The following SLC4A11 variants were observed in gnomAD, a reference collection of about 807,000 sequenced individuals.
SLC4A11 encodes the protein bicarbonate transporter related protein 1.
In SLC4A11, 74 loss-of-function variants were observed where a neutral mutation model predicts 95.0. The observed-to-expected ratio is 0.78, with a 90% CI of 0.65 to 0.95. The LOEUF is 0.95. Among genes scored for constraint, SLC4A11 ranks in the 40% least tolerant of loss-of-function variants. The pLI is 0.00. For missense variants in SLC4A11, 1,081 were observed against 1,192.4 expected (o/e 0.91, Z 1.38); for synonymous variants, 548 against 519.0 (o/e 1.06, Z -0.76).
At position 3,229,372 on chromosome 20, in the gene SLC4A11, C is replaced by G. The variant is rs369945352; in HGVS notation, c.1823G>C (p.Ser608Thr). ...CTCGATTTCCCGGAAGCCATGGGAG[C>G]TGATGAGGGAGAAGGCGAGCACCGC... ...PIAVLAFSLI[S>T]SHGFREIEMS... is the part of the protein sequence containing the mutation. Residue 608 changes from serine (S) to threonine (T), a missense_variant, in exon 15 of 20, where the codon AGC becomes ACC. Coordinates refer to ENST00000642402, the MANE Select transcript of SLC4A11 (RefSeq NM_001174089.2). 1.2e-6 allele frequency: 2 copies of G among 1,613,212 alleles called. No individual in the cohort carries two copies. Among genetic ancestry groups the G allele is most frequent in the African/African-American group, 2.7e-5 (2 of 74,936 alleles).
rs1285638785 is a variant in SLC4A11, at chr20:3,229,183, C to T, written c.1930G>A (p.Gly644Ser). 8.1e-6 allele frequency: 13 copies of T among 1,612,310 alleles called. No homozygotes were observed. Among genetic ancestry groups the T allele is most frequent in the South Asian group, 3.3e-5 (3 of 91,056 alleles). ...IQSLSLRAVS[G>S]AMGLGFLLSM... ...AGCAGGAAGCCGAGGCCCATGGCAC[C>T]GCTGACGGCCCTCAGGGACAGCGAC... The change falls in exon 16 of 20, where the codon GGT (glycine) becomes AGT (serine). Residue 644 changes from glycine to serine, a missense_variant. By Grantham distance (56) the Gly-to-Ser change is moderately conservative. Around this residue, in one of 3 missense-constraint regions of SLC4A11, gnomAD observed 767 missense variants for 858.0 expected, o/e 0.89. Transcript: ENST00000642402.
rs1363507861 is a variant in SLC4A11, at chr20:3,239,146, C to A, written c.-9G>T. The A allele has an allele frequency of 6.8e-7, 1 of 1,466,204 alleles. No individual in the cohort carries two copies. The highest frequency in any genetic ancestry group is 2.4e-5 in the Admixed American group (1 of 42,446). 90.8% of individuals were successfully genotyped at this position (1,466,204 alleles called of 1,614,324 possible). A position where few individuals can be genotyped will look rare whatever the true frequency, so the allele number is the denominator to read the frequency against. On this transcript the variant is annotated 5_prime_UTR_variant, in exon 1 of 20. Transcript: ENST00000642402. ...CTGGTGGCCGCGGCCATGGCACACTCGCGCACTCACGGCCGGGCTCCTCAC... is the reference window on the plus strand; with the variant it reads ...CTGGTGGCCGCGGCCATGGCACACTAGCGCACTCACGGCCGGGCTCCTCAC...
chr20:3,230,125 G>A (rs1349065857), intron 13 of SLC4A11, 62 bp downstream of exon 13: 18 of 1,576,318 alleles, frequency 1.1e-5, no homozygotes, highest in African/African-American at 5.4e-5. Flanking sequence ...GCCAGGGGCA[G>A]TGCAGAACCT....
chr20:3,230,707 T>C (rs1600575972), intron 11 of SLC4A11, 25 bp downstream of exon 11: 1 of 1,612,736 alleles, frequency 6.2e-7, no homozygotes, highest in Non-Finnish European at 8.5e-7. Flanking sequence ...TCAGGCACCA[T>C]CTCCCGCCTC....
chr20:3,238,077 T>TCCCCCGA (rs1356187011), intron 1 of SLC4A11: 11 of 1,467,026 alleles, frequency 7.5e-6, no homozygotes, highest in Middle Eastern at 2.4e-4. Context: ...CAGGCGCAGT[T>TCCCCCGA]CCCCCGACCC....
chr20:3,230,658 G>A lies in SLC4A11; in HGVS notation c.1283-11C>T, dbSNP rs41281862. ...AGATGACACGAATCACTGCAGGCAG[G>A]GGGCAGGGCGGGTCAGGGCCCGGCA... On this transcript the variant is annotated splice_polypyrimidine_tract_variant and intron_variant, in intron 11 of 19. Transcript: ENST00000642402. The A allele has an allele frequency of 0.12, 187,472 of 1,613,268 alleles. 12,283 individuals carry two copies. Among genetic ancestry groups the A allele is most frequent in the Non-Finnish European group, 0.13 (157,165 of 1,179,980 alleles).
At chr20:3,237,806 C>A in intron 1 of SLC4A11, 2 of 1,587,822 alleles carry the variant, frequency 1.3e-6, no homozygotes, top group Non-Finnish European at 1.7e-6. Flanking sequence ...AATTGCTTAG[C>A]CCATCTGCTA....
In SLC4A11 at chr20:3,234,035, C is replaced by A; in HGVS notation, c.524-33G>T. 1 of 1,613,692 alleles carries A rather than the reference C, an allele frequency of 6.2e-7. No individual in the cohort carries two copies. Among genetic ancestry groups the A allele is most frequent in the Non-Finnish European group, 8.5e-7 (1 of 1,179,936 alleles). Reference sequence around the variant, plus strand: ...AAGAGTGAGGGGGAGGGTGGTGGGTCAACAGCCCCTCCCAACGCCCCCGCC... The same window carrying A: ...AAGAGTGAGGGGGAGGGTGGTGGGTAAACAGCCCCTCCCAACGCCCCCGCC... On this transcript the variant is annotated intron_variant, in intron 5 of 19. Coordinates refer to ENST00000642402, the MANE Select transcript of SLC4A11 (RefSeq NM_001174089.2). This position sits in a 1 kb window ranked among gnomAD's most constrained non-coding sequence, Gnocchi z 5.8.
In SLC4A11 at chr20:3,234,213, G is replaced by C. The variant is rs567543746; in HGVS notation, c.393C>G (p.Ser131=). 1 of 1,614,028 alleles carries C rather than the reference G, an allele frequency of 6.2e-7. No homozygotes were observed. Among genetic ancestry groups the C allele is most frequent in the Admixed American group, 1.7e-5 (1 of 60,010 alleles). ...GCATGGTCCGCAGCACGTTATCCAG[G>C]GAGGTGGCCGTCTCGTTCAGGACGA... ...ASIVLNETAT[S]LDNVLRTMLR... Residue 131 remains serine, a synonymous_variant, in exon 5 of 20, where the codon TCC becomes TCG. Coordinates refer to ENST00000642402, the MANE Select transcript of SLC4A11 (RefSeq NM_001174089.2). This position sits in a 1 kb window ranked among gnomAD's most constrained non-coding sequence, Gnocchi z 5.8.
intron 2 of SLC4A11, among the ~76,000 whole-genome samples, 173 bp downstream of exon 2, chr20:3,237,371 G>T (rs60360699): frequency 0.081 from 12,398 of 152,210 alleles, 548 homozygotes; most frequent in Non-Finnish European, 0.086. Context: ...AGGTCCACGG[G>T]GGATCCGCCC....
intron 1 of SLC4A11, chr20:3,238,736 C>T (rs976533684): frequency 4.7e-6 from 5 of 1,071,306 alleles, no homozygotes; most frequent in Non-Finnish European, 5.6e-6. Context: ...GAGGCGGCGG[C>T]CCGCCAGGCT....
rs2068046592 is a variant in SLC4A11 at position 3,238,131 on chromosome 20, C to T, written c.44-543G>A. ...CACACGGGGGCCGACAGGCAACGGTCTCCAGTCCTGGGACCGCGTCCCGGC... is the reference window on the plus strand; with the variant it reads ...CACACGGGGGCCGACAGGCAACGGTTTCCAGTCCTGGGACCGCGTCCCGGC... On this transcript the variant is annotated intron_variant, in intron 1 of 19. Coordinates refer to ENST00000642402, the MANE Select transcript of SLC4A11 (RefSeq NM_001174089.2). 4 of 1,451,894 alleles carry T rather than the reference C, an allele frequency of 2.8e-6. No individual in the cohort carries two copies. In the Admixed American group the frequency reaches 8.4e-5, roughly 30 times the overall value. 89.9% of individuals were successfully genotyped at this position (1,451,894 alleles called of 1,614,324 possible).
chr20:3,238,039 C>G, intron 1 of SLC4A11: 1 of 1,526,640 alleles, frequency 6.6e-7, no homozygotes, highest in Non-Finnish European at 8.8e-7. Context: ...ACTCTCAGAC[C>G]GGTCCTGGGG....
rs1281749733 is a variant in SLC4A11 at position 3,239,177 on chromosome 20, GC to G, written c.-41del. The stretch of plus-strand genomic sequence containing the variant: ...CTCACGGCCGGGCTCCTCACGCGGC[GC>G]TCCGGCGCTTCTGGACCCCAAACTC... On this transcript the variant is annotated 5_prime_UTR_variant, in exon 1 of 20. Transcript: ENST00000642402. The G allele has an allele frequency of 7.0e-7, 1 of 1,429,342 alleles. No individual in the cohort carries two copies. Among genetic ancestry groups the G allele is most frequent in the Non-Finnish European group, 9.2e-7 (1 of 1,092,026 alleles). 88.5% of individuals were successfully genotyped at this position (1,429,342 alleles called of 1,614,324 possible).
Position 3,234,715 on chromosome 20 carries a change from A to C in SLC4A11, c.241+27T>G. On this transcript the variant is annotated intron_variant, in intron 3 of 19. Transcript: ENST00000642402. The surrounding 1 kb of genome is among the most constrained non-coding windows in gnomAD (Gnocchi z 5.8). ...CCTGCCCAGTCCCGTGCCTTCCCCCAGTCTGCCCCTGCTGCAGCCCCCATA... is the reference window on the plus strand; with the variant it reads ...CCTGCCCAGTCCCGTGCCTTCCCCCCGTCTGCCCCTGCTGCAGCCCCCATA... The C allele has an allele frequency of 6.2e-7, 1 of 1,613,748 alleles. No homozygotes were observed. The highest frequency in any genetic ancestry group is 8.5e-7 in the Non-Finnish European group (1 of 1,179,972).
chr20:3,234,349 C>G lies in SLC4A11; in HGVS notation c.292-35G>C. 6.3e-7 allele frequency: 1 copy of G among 1,594,214 alleles called. No homozygotes were observed. Among genetic ancestry groups the G allele is most frequent in the Non-Finnish European group, 8.6e-7 (1 of 1,164,226 alleles). On this transcript the variant is annotated intron_variant, in intron 4 of 19. Transcript: ENST00000642402. The surrounding 1 kb of genome is among the most constrained non-coding windows in gnomAD (Gnocchi z 5.8). Reference sequence around the variant, plus strand: ...CCCCAGGGACAGAACCACACGGGCCCATGTATGAGATGCTGTCACTGCCTG... The same window carrying G: ...CCCCAGGGACAGAACCACACGGGCCGATGTATGAGATGCTGTCACTGCCTG...
chr20:3,237,720 G>A (rs1287404151), intron 1 of SLC4A11, 132 bp from the exon 2 acceptor site: 1 of 1,613,838 alleles, frequency 6.2e-7, no homozygotes, highest in African/African-American at 1.3e-5. Flanking sequence ...GCCACCCTAG[G>A]GAGAAAGGGA....
intron 16 of SLC4A11, 32 bp downstream of exon 16, chr20:3,229,063 C>CCCCCCA: frequency 1.3e-6 from 1 of 781,078 alleles, no homozygotes; most frequent in Non-Finnish European, 2.0e-6. Context: ...GGCCCGGGCC[C>CCCCCCA]CGCCCACCCC....
intron 19 of SLC4A11, 115 bp from the exon 20 acceptor site, chr20:3,227,971 C>T (rs1341969288): frequency 3.1e-5 from 29 of 948,490 alleles, no homozygotes; most frequent in South Asian, 5.8e-5. Context: ...CCTCCCCGCC[C>T]GCCTACCCCC....
Sources: allele counts gnomAD v4.1 joint callset (sites outside exome capture counted in the v4.1 genomes callset), GRCh38; gene constraint gnomAD v4.1.1; regional missense constraint gnomAD v4.1.1; non-coding constraint Gnocchi (gnomAD v3.1); transcripts MANE v1.5; gene names NCBI Gene and HGNC (gene_info 2026-07-23, HGNC 2026-07-21).